Variants in PKD1L3 observed in about 807,000 individuals in gnomAD.
PKD1L3 encodes polycystin-1-like protein 3.
A neutral mutation model predicts 184.1 loss-of-function variants in PKD1L3; 239 were observed. That is an observed-to-expected ratio of 1.30 (90% CI 1.17 to 1.45). The LOEUF is 1.45. Ranked by LOEUF, PKD1L3 falls within the 40% of genes most tolerant of loss-of-function variation. The probability of loss-of-function intolerance (pLI) is 0.00; values close to 1 mark genes in which losing one functional copy is unlikely to be tolerated. For synonymous variants in PKD1L3, 996 were observed against 778.8 expected (o/e 1.28, Z -4.64); for missense variants, 2,660 against 2,067.2 (o/e 1.29, Z -5.56).
rs975580752 is a variant in PKD1L3, at chr16:71,984,149, C to T, written c.853G>A (p.Gly285Arg). 2 of 1,551,384 alleles carry T rather than the reference C, an allele frequency of 1.3e-6. No homozygotes were observed. Among genetic ancestry groups the T allele is most frequent in the African/African-American group, 2.7e-5 (2 of 73,004 alleles). The change falls in exon 6 of 30, where the codon GGG (glycine) becomes AGG (arginine). Residue 285 changes from glycine to arginine, a missense_variant. Physicochemically the swap from Gly to Arg is moderately radical, Grantham distance 125. Transcript: ENST00000620267. ...ASGQVIDEIA[G>R]NFSRAVHGLQ... is the part of the protein sequence containing the mutation. ...CCATGAACTGCTCTGCTGAAGTTCC[C>T]TGCTATCTCATCTATGACCTATTGG...
At chr16:71,999,127 C>G (rs945666455) in intron 1 of PKD1L3, among the ~76,000 whole-genome samples, 26 of 151,952 alleles carry the variant, frequency 1.7e-4, no homozygotes, top group Admixed American at 7.2e-4. Flanking sequence ...AAAAATTAGT[C>G]GGGCGTGGTG....
chr16:71,942,972 G>A lies in PKD1L3; in HGVS notation c.3912C>T (p.Asn1304=). The A allele has an allele frequency of 6.4e-6, 10 of 1,551,452 alleles. No homozygotes were observed. The highest frequency in any genetic ancestry group is 1.2e-5 in the South Asian group (1 of 84,058). The change falls in exon 24 of 30, where the codon AAC becomes AAT. Residue 1304 remains asparagine (N), a synonymous_variant. Transcript: ENST00000620267. ...LLMTAIYSAK[N]SNRFYLHQAI... ...CTTGGTGGAGGTAAAATCTATTGGA[G>A]TTCTTTGCAGAGTAGATTGCAGTCA...
intron 4 of PKD1L3, among the ~76,000 whole-genome samples, chr16:71,989,562 G>C (rs1050289548): frequency 1.3e-5 from 2 of 152,224 alleles, no homozygotes; most frequent in Non-Finnish European, 2.9e-5. Context: ...TAGGACACAA[G>C]GGCAAGAATG....
intron 2 of PKD1L3, among the ~76,000 whole-genome samples, chr16:71,996,913 T>G (rs1174396337): frequency 9.2e-5 from 14 of 151,988 alleles, no homozygotes; most frequent in Admixed American, 9.2e-4. Flanking sequence ...TGGGTAGATT[T>G]GGTGGTCCGA....
intron 2 of PKD1L3, among the ~76,000 whole-genome samples, chr16:71,997,081 G>C (rs2040813091): frequency 6.6e-6 from 1 of 151,952 alleles, no homozygotes; most frequent in Non-Finnish European, 1.5e-5. Context: ...GAGTCACCCG[G>C]GAGAGTGGAA....
At chr16:71,935,956 C>T (rs576847931) in intron 25 of PKD1L3, among the ~76,000 whole-genome samples, 8 of 152,108 alleles carry the variant, frequency 5.3e-5, no homozygotes, top group Admixed American at 3.9e-4. Context: ...CCACCATGCC[C>T]GGCTAAGTTT....
intron 2 of PKD1L3, among the ~76,000 whole-genome samples, chr16:71,993,884 C>T (rs2040687001): frequency 6.6e-6 from 1 of 152,192 alleles, no homozygotes; most frequent in Non-Finnish European, 1.5e-5. Flanking sequence ...AAGTGATTCT[C>T]CTGCCTCAGC....
intron 5 of PKD1L3, among the ~76,000 whole-genome samples, chr16:71,984,916 G>A (rs1326338336): frequency 6.6e-6 from 1 of 152,054 alleles, no homozygotes; most frequent in East Asian, 1.9e-4. Flanking sequence ...GCAAGAGGTG[G>A]GAAGCAGAAA....
At chr16:71,947,400 C>A in intron 22 of PKD1L3, 92 bp downstream of exon 22, 1 of 819,094 alleles carries the variant, frequency 1.2e-6, no homozygotes, top group East Asian at 2.7e-5. Flanking sequence ...GAGACAAGTC[C>A]TTTGAATGGG....
At position 71,979,815 on chromosome 16, in the gene PKD1L3, A is replaced by G. The variant is rs2040077635; in HGVS notation, c.1369T>C (p.Leu457=). ...FPSALALKEL[L]NKHPGVNVQI... is the part of the protein sequence containing the mutation. ...ACATTAACTCCTGGATGTTTATTCA[A>G]GAGCTCCTTCAAAGCTAAAGCCGAC... Residue 457 remains leucine, a synonymous_variant, in exon 9 of 30, where the codon TTG becomes CTG. Coordinates refer to ENST00000620267, the MANE Select transcript of PKD1L3 (RefSeq NM_181536.2). 2.0e-6 allele frequency: 3 copies of G among 1,512,614 alleles called. No individual in the cohort carries two copies. Among genetic ancestry groups the G allele is most frequent in the Non-Finnish European group, 2.6e-6 (3 of 1,136,102 alleles). The allele number at this position is 1,512,614 out of a possible 1,614,324, so 93.7% of individuals were successfully genotyped here.
At chr16:71,954,646 A>G (rs2038977907) in intron 16 of PKD1L3, among the ~76,000 whole-genome samples, 1 of 152,218 alleles carries the variant, frequency 6.6e-6, no homozygotes, top group Non-Finnish European at 1.5e-5. Flanking sequence ...TCTGCTCAAA[A>G]TAGTTTGGTA....
rs753720789 is a variant in PKD1L3 at position 71,999,695 on chromosome 16, T to C, written c.284A>G (p.Asn95Ser). ...CCCCAGGGTCTTACCTGGGTATTTG[T>C]TGTCTTGATGCTTTTTCAATGGCAT... ...NVMPLKKHQD[N>S]KYPADVAANG... Residue 95 changes from asparagine to serine, a missense_variant, in exon 1 of 30, where the codon AAC becomes AGC. Coordinates refer to ENST00000620267, the MANE Select transcript of PKD1L3 (RefSeq NM_181536.2). 13 of 1,546,406 alleles carry C rather than the reference T, an allele frequency of 8.4e-6. No individual in the cohort carries two copies. The Admixed American group carries it at 2.6e-4, about 31-fold the overall frequency.
At chr16:71,945,383 C>T (rs867216037) in intron 22 of PKD1L3, among the ~76,000 whole-genome samples, 5,752 of 56,876 alleles carry the variant, frequency 0.1, 441 homozygotes, top group African/African-American at 0.29. Context: ...CGCACACACA[C>T]ATATATATAT....
chr16:71,968,571 C>T (rs887860536), intron 13 of PKD1L3, among the ~76,000 whole-genome samples: 2 of 152,136 alleles, frequency 1.3e-5, no homozygotes, highest in African/African-American at 4.8e-5. Context: ...AAAAAACATG[C>T]CATATAAATT....
chr16:71,993,218 G>A lies in PKD1L3; in HGVS notation c.533C>T (p.Pro178Leu), dbSNP rs1325883194. ...TTACTAGAGGAGTAACGCATTACCT[G>A]GGGGCATTTTGTCTCTTGCTATTGC... ...GVAIARDKMP[P>L]GPGHLPTTCH... Residue 178 changes from proline (P) to leucine (L), a missense_variant and splice_region_variant, in exon 3 of 30, where the codon CCA becomes CTA. Transcript: ENST00000620267. 2 of 1,540,312 alleles carry A rather than the reference G, an allele frequency of 1.3e-6. No individual in the cohort carries two copies. The highest frequency in any genetic ancestry group is 2.5e-5 in the East Asian group (1 of 40,698).
chr16:71,974,474 G>T (rs1051463231), intron 11 of PKD1L3, among the ~76,000 whole-genome samples: 1 of 152,196 alleles, frequency 6.6e-6, no homozygotes, highest in African/African-American at 2.4e-5. Flanking sequence ...GAGCCCAGGA[G>T]TTTGAGACCT....
intron 16 of PKD1L3, among the ~76,000 whole-genome samples, chr16:71,959,109 C>T (rs1258311366): frequency 7.1e-6 from 1 of 140,576 alleles, no homozygotes; most frequent in Admixed American, 7.1e-5. Context: ...AAAAAAGACA[C>T]TAAAAGAATA....
chr16:71,945,831 T>C (rs1013175188), intron 22 of PKD1L3, among the ~76,000 whole-genome samples: 3 of 152,066 alleles, frequency 2.0e-5, no homozygotes, highest in Admixed American at 6.6e-5. Flanking sequence ...CATTTGACAT[T>C]TGTTTTGAAG....
intron 15 of PKD1L3, among the ~76,000 whole-genome samples, chr16:71,963,587 G>A (rs1460274742): frequency 6.6e-6 from 1 of 152,278 alleles, no homozygotes; most frequent in Non-Finnish European, 1.5e-5. Context: ...TTTGAGCACA[G>A]CTTGGGCAAC....
Sources: allele counts gnomAD v4.1 joint callset (sites outside exome capture counted in the v4.1 genomes callset), GRCh38; gene constraint gnomAD v4.1.1; transcripts MANE v1.5; gene names NCBI Gene and HGNC (gene_info 2026-07-23, HGNC 2026-07-21).